Variants in SOX6 observed in about 807,000 individuals in gnomAD.
SOX6 encodes transcription factor SOX-6.
Under a neutral mutation model 97.8 loss-of-function variants are expected in SOX6, and 11 were observed. That is an observed-to-expected ratio of 0.11 (90% CI 0.07 to 0.19). The LOEUF (loss-of-function observed/expected upper bound fraction) is 0.19, where lower values mean the gene tolerates loss of function less well. SOX6 is among the 10% of genes least tolerant of loss of function. The pLI is 1.00. For synonymous variants in SOX6, 360 were observed against 371.4 expected, an observed-to-expected ratio of 0.97 and a Z score of 0.35; for missense variants, 810 against 1,039.5, an observed-to-expected ratio of 0.78 and a Z score of 3.04.
chr11:16,562,379 C>T (rs921985268), intron 4 of SOX6, among the ~76,000 whole-genome samples: 2 of 152,066 alleles, frequency 1.3e-5, no homozygotes, highest in East Asian at 3.9e-4. Context: ...AGCCAGCAAC[C>T]TAAAAACATC....
chr11:16,463,788 T>C (rs1859978158), intron 1 of SOX6, among the ~76,000 whole-genome samples: 1 of 152,240 alleles, frequency 6.6e-6, no homozygotes, highest in South Asian at 2.1e-4. Context: ...GTCTTATATA[T>C]AATCATAACT....
intron 1 of SOX6, among the ~76,000 whole-genome samples, chr11:16,440,553 G>A (rs1859485535): frequency 6.6e-6 from 1 of 152,164 alleles, no homozygotes; most frequent in Admixed American, 6.5e-5. Context: ...TGTTAATGGT[G>A]CTGAGATTAT....
At chr11:16,065,970 A>G (rs1848084653) in intron 9 of SOX6, among the ~76,000 whole-genome samples, 1 of 152,210 alleles carries the variant, frequency 6.6e-6, no homozygotes, top group African/African-American at 2.4e-5. Flanking sequence ...AACAAAGTGA[A>G]GAGACAATCC....
chr11:16,544,432 A>T (rs1480573939), intron 4 of SOX6, among the ~76,000 whole-genome samples: 2 of 152,012 alleles, frequency 1.3e-5, no homozygotes, highest in Non-Finnish European at 2.9e-5. Context: ...CTAATTTTTT[A>T]AAACTTTCAG....
chr11:16,246,981 C>G (rs146315608), intron 3 of SOX6, among the ~76,000 whole-genome samples: 92 of 152,190 alleles, frequency 6.0e-4, no homozygotes, highest in African/African-American at 2.1e-3. Context: ...TAGAAACCCT[C>G]CTGTGATACC....
At chr11:16,520,933 C>A (rs1396128329) in intron 4 of SOX6, among the ~76,000 whole-genome samples, 1 of 152,186 alleles carries the variant, frequency 6.6e-6, no homozygotes, top group African/African-American at 2.4e-5. Context: ...GGGAGGGGTG[C>A]CCCGCCATTG....
intron 1 of SOX6, among the ~76,000 whole-genome samples, chr11:16,449,291 T>C (rs1859672113): frequency 5.8e-5 from 7 of 121,220 alleles, no homozygotes; most frequent in Non-Finnish European, 8.5e-5. Flanking sequence ...TTTTTTTTTT[T>C]TTTTTTTTTT....
intron 4 of SOX6, among the ~76,000 whole-genome samples, chr11:16,494,145 G>T (rs1333940061): frequency 6.6e-6 from 1 of 152,156 alleles, no homozygotes; most frequent in Middle Eastern, 3.2e-3. Context: ...GGAGGCCGAG[G>T]TGGGCAGATC....
intron 3 of SOX6, among the ~76,000 whole-genome samples, chr11:16,663,430 C>T (rs1162857894): frequency 2.0e-5 from 3 of 152,126 alleles, no homozygotes; most frequent in African/African-American, 7.2e-5. Context: ...TCAAGGGATC[C>T]TCCTGCTTCA....
chr11:16,137,275 A>T (rs967303697), intron 6 of SOX6, among the ~76,000 whole-genome samples: 1 of 152,054 alleles, frequency 6.6e-6, no homozygotes, highest in Non-Finnish European at 1.5e-5. Flanking sequence ...AAATACAAAA[A>T]ATTAGCTGGA....
At chr11:16,347,421 A>G (rs1296945890) in intron 1 of SOX6, among the ~76,000 whole-genome samples, 3 of 152,140 alleles carry the variant, frequency 2.0e-5, no homozygotes, top group African/African-American at 7.2e-5. Flanking sequence ...AAACCTAACA[A>G]TGGCTACTAT....
chr11:16,020,132 G>A (rs1022675319), intron 12 of SOX6, among the ~76,000 whole-genome samples: 2 of 152,108 alleles, frequency 1.3e-5, no homozygotes, highest in African/African-American at 4.8e-5. Context: ...CTCCTTTCCT[G>A]TGTTCACATT....
At chr11:16,141,838 G>A (rs1850151276) in intron 6 of SOX6, among the ~76,000 whole-genome samples, 1 of 152,134 alleles carries the variant, frequency 6.6e-6, no homozygotes, top group African/African-American at 2.4e-5. Context: ...CCTTGAGTTG[G>A]TAAACAAAGT....
intron 4 of SOX6, among the ~76,000 whole-genome samples, chr11:16,499,757 C>T (rs1350375763): frequency 1.3e-5 from 2 of 152,012 alleles, no homozygotes; most frequent in Non-Finnish European, 2.9e-5. Flanking sequence ...AACACTAAAC[C>T]AGGAAGAAGT....
intron 1 of SOX6, among the ~76,000 whole-genome samples, chr11:16,395,737 A>T (rs1274122192): frequency 6.6e-6 from 1 of 151,820 alleles, no homozygotes; most frequent in Non-Finnish European, 1.5e-5. Flanking sequence ...GGAATATGGA[A>T]TTTAAGCATA....
rs369867101 is a variant in SOX6 at position 16,721,579 on chromosome 11, C to CCT, written n.354-6676_354-6675dup. On this transcript the variant is annotated intron_variant and non_coding_transcript_variant, in intron 2 of 5. Coordinates refer to the SOX6 transcript ENST00000524520. Reference sequence around the variant, plus strand: ...CCCCCCCTCCCTCCCTCCCTCCCTCCCTCTCTCTCTCTCTCTCTCTTCCCT... The same window carrying CCT: ...CCCCCCCTCCCTCCCTCCCTCCCTCCCTCTCTCTCTCTCTCTCTCTCTTCCCT... 9.4e-5 allele frequency among the ~76,000 whole-genome samples: 2 copies of CCT among 21,308 alleles called. 1 individual carries two copies. Among genetic ancestry groups the CCT allele is most frequent in the Non-Finnish European group, 2.0e-4 (2 of 10,138 alleles). The allele number at this position is 21,308 out of a possible 152,430, so 14.0% of individuals were successfully genotyped here.
At chr11:16,288,826 G>A (rs913491008) in intron 3 of SOX6, among the ~76,000 whole-genome samples, 1 of 151,870 alleles carries the variant, frequency 6.6e-6, no homozygotes, top group African/African-American at 2.4e-5. Context: ...CACATTCAGA[G>A]ATCTACAATC....
chr11:16,445,483 C>T (rs1859593348), intron 1 of SOX6, among the ~76,000 whole-genome samples: 1 of 152,066 alleles, frequency 6.6e-6, no homozygotes, highest in Admixed American at 6.6e-5. Context: ...ATTCATAAAC[C>T]AAATCTGTGT....
At chr11:16,441,396 T>C (rs1251845874) in intron 1 of SOX6, among the ~76,000 whole-genome samples, 3 of 152,204 alleles carry the variant, frequency 2.0e-5, no homozygotes, top group Admixed American at 6.5e-5. Context: ...AAGTATATAA[T>C]TTTTCCCTAT....
Sources: allele counts gnomAD v4.1 joint callset (sites outside exome capture counted in the v4.1 genomes callset), GRCh38; gene constraint gnomAD v4.1.1; transcripts MANE v1.5; gene names NCBI Gene and HGNC (gene_info 2026-07-23, HGNC 2026-07-21).